The following HIBADH variants were observed in gnomAD, a reference collection of about 807,000 sequenced individuals.
HIBADH encodes the protein 3-hydroxyisobutyrate dehydrogenase, mitochondrial.
A neutral mutation model predicts 36.1 loss-of-function variants in HIBADH; 25 were observed. The ratio of observed to expected loss-of-function variants is 0.69; its 90% CI spans 0.50 to 0.97. The LOEUF (loss-of-function observed/expected upper bound fraction) is 0.97, where lower values mean the gene tolerates loss of function less well. Among genes scored for constraint, HIBADH ranks in the 50% least tolerant of loss-of-function variants. The pLI is 0.00. For synonymous variants in HIBADH, 160 were observed against 149.5 expected (o/e 1.07, Z -0.51); for missense variants, 421 against 418.0 (o/e 1.01, Z -0.06).
intron 1 of HIBADH, among the ~76,000 whole-genome samples, chr7:27,660,594 G>A (rs547778844): frequency 3.3e-5 from 5 of 152,256 alleles, no homozygotes; most frequent in South Asian, 2.1e-4. Flanking sequence ...GAACCTGGGA[G>A]GCGGAGCTTG....
chr7:27,626,354 A>T (rs190825896), intron 4 of HIBADH, among the ~76,000 whole-genome samples: 29 of 152,328 alleles, frequency 1.9e-4, no homozygotes, highest in Non-Finnish European at 3.4e-4. Flanking sequence ...TAACTACACA[A>T]ATATTAAAGT....
At chr7:27,615,131 GGA>G (rs1785403968) in intron 4 of HIBADH, among the ~76,000 whole-genome samples, 1 of 152,122 alleles carries the variant, frequency 6.6e-6, no homozygotes, top group Non-Finnish European at 1.5e-5. Flanking sequence ...TAGCAACATA[GGA>G]GATAGGGAAG....
chr7:27,660,511 A>G (rs1054907625), intron 1 of HIBADH, among the ~76,000 whole-genome samples: 4 of 152,146 alleles, frequency 2.6e-5, no homozygotes, highest in Non-Finnish European at 4.4e-5. Context: ...AAAAATACCA[A>G]AAAACTAGCC....
At chr7:27,654,807 T>A (rs1481116347) in intron 1 of HIBADH, among the ~76,000 whole-genome samples, 1 of 151,972 alleles carries the variant, frequency 6.6e-6, no homozygotes, top group Non-Finnish European at 1.5e-5. Context: ...CACTTCAGCT[T>A]CCCAAGTAGC....
intron 3 of HIBADH, among the ~76,000 whole-genome samples, chr7:27,629,843 T>C (rs1431597814): frequency 6.6e-6 from 1 of 152,150 alleles, no homozygotes; most frequent in African/African-American, 2.4e-5. Flanking sequence ...TAAAAGGGTA[T>C]TAGATAGGAC....
At chr7:27,599,550 C>T (rs1785089058) in intron 4 of HIBADH, among the ~76,000 whole-genome samples, 1 of 151,440 alleles carries the variant, frequency 6.6e-6, no homozygotes, top group East Asian at 1.9e-4. Context: ...GGCGTGGTGG[C>T]AGGCACCTGT....
chr7:27,573,658 G>C (rs1025306299), intron 4 of HIBADH, among the ~76,000 whole-genome samples: 2 of 152,180 alleles, frequency 1.3e-5, no homozygotes, highest in Admixed American at 1.3e-4. Flanking sequence ...CACTGGCTAA[G>C]AGAAAAATGT....
At position 27,559,963 on chromosome 7, in the gene HIBADH, G is replaced by T. The variant is rs865974876; in HGVS notation, c.485-16863C>A. On this transcript the variant is annotated intron_variant, in intron 4 of 7. Coordinates refer to ENST00000265395, the MANE Select transcript of HIBADH (RefSeq NM_152740.4). Reference sequence around the variant, plus strand: ...AAGATTTTGCCTTTATGTATTCACTGATATATAATAATGCTGTATGCATAA... The same window carrying T: ...AAGATTTTGCCTTTATGTATTCACTTATATATAATAATGCTGTATGCATAA... 2.6e-5 allele frequency among the ~76,000 whole-genome samples: 4 copies of T among 152,244 alleles called. No individual in the cohort carries two copies. In the South Asian group the frequency reaches 8.3e-4, roughly 32 times the overall value.
chr7:27,635,081 TG>T (rs1173071956), intron 2 of HIBADH, among the ~76,000 whole-genome samples: 2 of 96,130 alleles, frequency 2.1e-5, no homozygotes, highest in Non-Finnish European at 4.1e-5. Context: ...TCTCTCTCTC[TG>T]TGCATGTGTG....
chr7:27,590,428 C>A (rs1784923023), intron 4 of HIBADH, among the ~76,000 whole-genome samples: 1 of 152,194 alleles, frequency 6.6e-6, no homozygotes, highest in Non-Finnish European at 1.5e-5. Context: ...TTATCCAAAA[C>A]TGTCCATTTT....
At chr7:27,626,609 T>C (rs931057696) in intron 4 of HIBADH, among the ~76,000 whole-genome samples, 3 of 152,156 alleles carry the variant, frequency 2.0e-5, no homozygotes, top group Admixed American at 1.3e-4. Context: ...CCCAGAATAA[T>C]ACTTACCAGG....
chr7:27,528,581 C>A (rs1337397104), intron 7 of HIBADH, among the ~76,000 whole-genome samples: 1 of 152,198 alleles, frequency 6.6e-6, no homozygotes, highest in Non-Finnish European at 1.5e-5. Context: ...AAGGCCCTAA[C>A]TTTCTTCAAT....
intron 7 of HIBADH, 57 bp downstream of exon 7, chr7:27,531,135 T>TG: frequency 6.8e-7 from 1 of 1,469,852 alleles, no homozygotes; most frequent in South Asian, 1.4e-5. Flanking sequence ...AGAAGGAAGG[T>TG]GTTATTGGAC....
chr7:27,609,714 A>G (rs1290661312), intron 4 of HIBADH, among the ~76,000 whole-genome samples: 4 of 152,320 alleles, frequency 2.6e-5, no homozygotes, highest in African/African-American at 9.6e-5. Context: ...TTTTTAAGAT[A>G]ATGTAATTCA....
chr7:27,567,622 T>A (rs1383490285), intron 4 of HIBADH, among the ~76,000 whole-genome samples: 3 of 152,162 alleles, frequency 2.0e-5, no homozygotes. Context: ...ATTTTATCTA[T>A]TGCATCTTTG....
intron 4 of HIBADH, among the ~76,000 whole-genome samples, chr7:27,569,550 G>C (rs1378443765): frequency 3.3e-5 from 5 of 152,192 alleles, no homozygotes; most frequent in Middle Eastern, 3.4e-3. Context: ...TTTAGGGTCA[G>C]ATCTATGTTG....
chr7:27,620,834 T>A (rs967813652), intron 4 of HIBADH, among the ~76,000 whole-genome samples: 9 of 151,856 alleles, frequency 5.9e-5, no homozygotes, highest in African/African-American at 2.2e-4. Context: ...TATAACACCA[T>A]CAGAAAATAA....
intron 6 of HIBADH, among the ~76,000 whole-genome samples, chr7:27,535,124 C>T (rs1031538409): frequency 6.6e-6 from 1 of 151,148 alleles, no homozygotes; most frequent in Non-Finnish European, 1.5e-5. Flanking sequence ...TTTGGATTGA[C>T]ATGGTCTTAG....
chr7:27,629,295 A>G, intron 4 of HIBADH, 76 bp downstream of exon 4: 3 of 1,436,852 alleles, frequency 2.1e-6, no homozygotes, highest in South Asian at 1.4e-5. Context: ...CTACAAAACC[A>G]TATGGTACAA....
Sources: allele counts gnomAD v4.1 joint callset (sites outside exome capture counted in the v4.1 genomes callset), GRCh38; gene constraint gnomAD v4.1.1; transcripts MANE v1.5; gene names NCBI Gene and HGNC (gene_info 2026-07-23, HGNC 2026-07-21).